PCDH7: variants seen among roughly 807,000 people sequenced by gnomAD.
The protein encoded by PCDH7 is protocadherin-7.
In PCDH7, 17 loss-of-function variants were observed where a neutral mutation model predicts 58.9. The observed-to-expected ratio is 0.29, with a 90% CI of 0.20 to 0.43. PCDH7 has a LOEUF of 0.43. PCDH7 is among the 20% of genes least tolerant of loss of function. The pLI is 1.00. For missense variants in PCDH7, 1,274 were observed against 1,441.0 expected, an observed-to-expected ratio of 0.88 and a Z score of 1.88; for synonymous variants, 664 against 616.4, an observed-to-expected ratio of 1.08 and a Z score of -1.14.
chr4:30,983,806 T>C (rs569625357), intron 3 of PCDH7, among the ~76,000 whole-genome samples: 2 of 152,344 alleles, frequency 1.3e-5, no homozygotes, highest in African/African-American at 2.4e-5. Context: ...CTAATTAATG[T>C]GGCTTCATTT....
intron 1 of PCDH7, among the ~76,000 whole-genome samples, chr4:30,899,697 C>G (rs1739946458): frequency 6.6e-6 from 1 of 152,122 alleles, no homozygotes. Context: ...AGAATAGGAA[C>G]CACTTGACTA....
At chr4:30,895,295 C>G (rs1739262819) in intron 1 of PCDH7, among the ~76,000 whole-genome samples, 1 of 151,760 alleles carries the variant, frequency 6.6e-6, no homozygotes, top group South Asian at 2.1e-4. Flanking sequence ...TACTATAGGT[C>G]TATAGCATTC....
intron 3 of PCDH7, among the ~76,000 whole-genome samples, chr4:31,093,730 A>G (rs1389612077): frequency 6.6e-6 from 1 of 152,130 alleles, no homozygotes; most frequent in Non-Finnish European, 1.5e-5. Context: ...CAATTTAATA[A>G]TTCTTGGATC....
intron 3 of PCDH7, among the ~76,000 whole-genome samples, chr4:30,956,379 C>T (rs1318823167): frequency 1.3e-5 from 2 of 152,058 alleles, no homozygotes; most frequent in Non-Finnish European, 2.9e-5. Flanking sequence ...TAACATAAGC[C>T]ATCTACTTGT....
rs923152465 is a variant in PCDH7, at chr4:30,785,588, T to TC, written c.70+60992_70+60993insC. Among the ~76,000 whole-genome samples the TC allele has an allele frequency of 3.3e-5, 5 of 152,202 alleles. No homozygotes were observed. The East Asian group carries it at 7.7e-4, about 23-fold the overall frequency. ...CTTTATACAGCTAATATTGATAATATACTGTCAGAGCATTTTAATGCATTT... is the reference window on the plus strand; with the variant it reads ...CTTTATACAGCTAATATTGATAATATCACTGTCAGAGCATTTTAATGCATTT... On this transcript the variant is annotated intron_variant, in intron 1 of 3. Coordinates refer to the PCDH7 transcript ENST00000509759.
chr4:31,111,633 T>G (rs999720102), intron 3 of PCDH7, among the ~76,000 whole-genome samples: 3 of 151,954 alleles, frequency 2.0e-5, no homozygotes, highest in African/African-American at 4.8e-5. Flanking sequence ...ACAACAACAC[T>G]CAGAGGTACG....
intron 1 of PCDH7, among the ~76,000 whole-genome samples, chr4:30,844,033 G>A (rs1281810917): frequency 3.9e-5 from 6 of 152,146 alleles, no homozygotes; most frequent in Non-Finnish European, 8.8e-5. Context: ...GCACTGTATG[G>A]TTCTCTTGCT....
At chr4:30,771,337 C>G (rs1046028200) in intron 1 of PCDH7, among the ~76,000 whole-genome samples, 1 of 152,156 alleles carries the variant, frequency 6.6e-6, no homozygotes, top group Non-Finnish European at 1.5e-5. Flanking sequence ...CAAAATAAGA[C>G]TGTAAACATA....
At chr4:30,967,189 G>A (rs1476979898) in intron 3 of PCDH7, among the ~76,000 whole-genome samples, 1 of 151,364 alleles carries the variant, frequency 6.6e-6, no homozygotes, top group Non-Finnish European at 1.5e-5. Flanking sequence ...AGAAGGAAAA[G>A]CAATGATTGA....
At chr4:30,919,890 G>T (rs928365703) in intron 1 of PCDH7, among the ~76,000 whole-genome samples, 13 of 152,186 alleles carry the variant, frequency 8.5e-5, no homozygotes, top group Non-Finnish European at 1.9e-4. Flanking sequence ...TAACATATCA[G>T]ATTTAAATGT....
chr4:30,731,927 C>T (rs1409139801), exon 2 of PCDH7: 1 of 152,188 alleles, frequency 6.6e-6, no homozygotes, highest in East Asian at 1.9e-4. Flanking sequence ...AATACATTTA[C>T]CACGCTGTCT....
chr4:31,073,968 T>G (rs776795757), intron 3 of PCDH7, among the ~76,000 whole-genome samples: 2 of 152,000 alleles, frequency 1.3e-5, no homozygotes, highest in Non-Finnish European at 2.9e-5. Context: ...GCCAAACTGC[T>G]TTTCTAGCTA....
intron 1 of PCDH7, among the ~76,000 whole-genome samples, chr4:30,792,443 A>G (rs571535076): frequency 6.6e-6 from 1 of 152,262 alleles, no homozygotes; most frequent in African/African-American, 2.4e-5. Flanking sequence ...AATCTCAATA[A>G]TTTTTACAGA....
chr4:31,144,962 T>C (rs1201322607), downstream of PCDH7: 1 of 152,104 alleles, frequency 6.6e-6, no homozygotes, highest in Non-Finnish European at 1.5e-5. Flanking sequence ...TAAGACAAAA[T>C]ACTTCTAAAG....
chr4:30,943,690 A>C (rs1375652508), intron 2 of PCDH7, among the ~76,000 whole-genome samples: 1 of 150,834 alleles, frequency 6.6e-6, no homozygotes, highest in East Asian at 1.9e-4. Context: ...ACATTTGTAA[A>C]CTTTCTTAAA....
At chr4:30,952,619 A>G (rs1321132337) in intron 3 of PCDH7, among the ~76,000 whole-genome samples, 1 of 152,130 alleles carries the variant, frequency 6.6e-6, no homozygotes, top group Non-Finnish European at 1.5e-5. Context: ...GAAAAAATCA[A>G]TGCAGGTAGA....
At chr4:31,005,849 G>A (rs191724124) in intron 3 of PCDH7, among the ~76,000 whole-genome samples, 12 of 152,198 alleles carry the variant, frequency 7.9e-5, no homozygotes, top group East Asian at 1.9e-4. Flanking sequence ...TTCTATCACC[G>A]GAGAAAGCTC....
At chr4:31,106,894 A>C (rs1715642694) in intron 3 of PCDH7, among the ~76,000 whole-genome samples, 1 of 152,188 alleles carries the variant, frequency 6.6e-6, no homozygotes, top group Non-Finnish European at 1.5e-5. Flanking sequence ...TTGATGTTTA[A>C]TAAAAGATGA....
intron 1 of PCDH7, among the ~76,000 whole-genome samples, chr4:30,727,454 G>T (rs1241364881): frequency 6.6e-6 from 1 of 151,886 alleles, no homozygotes; most frequent in Non-Finnish European, 1.5e-5. Flanking sequence ...AAATGTGTGT[G>T]GTAGAGTTGC....
Sources: gnomAD v4.1 joint callset for allele counts (sites outside exome capture counted in the v4.1 genomes callset) on GRCh38, gnomAD v4.1.1 for gene constraint, MANE v1.5 for transcripts, NCBI Gene and HGNC (gene_info 2026-07-23, HGNC 2026-07-21) for gene names.